ABLIM3: variants seen among roughly 807,000 people sequenced by gnomAD.
ABLIM3 encodes the protein actin-binding LIM protein 3.
ABLIM3 carries 61 observed loss-of-function variants against 109.5 expected under a neutral mutation model. The observed-to-expected ratio is 0.56, with a 90% CI of 0.45 to 0.69. The LOEUF (loss-of-function observed/expected upper bound fraction) is 0.69, where lower values mean the gene tolerates loss of function less well. Among genes scored for constraint, ABLIM3 ranks in the 30% least tolerant of loss-of-function variants. The pLI, the probability that ABLIM3 is intolerant of heterozygous loss-of-function variation, is 0.00. For synonymous variants in ABLIM3, 300 were observed against 324.8 expected, an observed-to-expected ratio of 0.92 and a Z score of 0.82; for missense variants, 796 against 889.5, an observed-to-expected ratio of 0.89 and a Z score of 1.34.
intron 6 of ABLIM3, 129 bp downstream of exon 6, chr5:149,207,263 A>C: frequency 7.4e-7 from 1 of 1,357,632 alleles, no homozygotes; most frequent in Non-Finnish European, 9.9e-7. Flanking sequence ...TTCTGGCCAA[A>C]CAGCATCTTT....
chr5:149,208,348 TTG>T (rs1205813171), intron 6 of ABLIM3, among the ~76,000 whole-genome samples: 5 of 123,496 alleles, frequency 4.0e-5, no homozygotes, highest in Admixed American at 1.8e-4. Flanking sequence ...ATCTATCTTT[TTG>T]TCTCTCTCTC....
chr5:149,252,185 C>G lies in ABLIM3; in HGVS notation c.1850-16C>G. ...TGGGCTCCATTCTGTGTGTGTGTCT[C>G]TTTTTCTCTCTGCAGAGTACAAGGT... On this transcript the variant is annotated splice_polypyrimidine_tract_variant and intron_variant, in intron 21 of 23. Transcript: ENST00000309868. 6.2e-7 allele frequency: 1 copy of G among 1,613,738 alleles called. No individual in the cohort carries two copies. Among genetic ancestry groups the G allele is most frequent in the Non-Finnish European group, 8.5e-7 (1 of 1,179,790 alleles).
chr5:149,168,153 A>G (rs554096828), intron 2 of ABLIM3, among the ~76,000 whole-genome samples: 6 of 152,320 alleles, frequency 3.9e-5, no homozygotes, highest in South Asian at 2.1e-4. Flanking sequence ...ATTGTCCCCA[A>G]TAGAGAACTG....
intron 2 of ABLIM3, among the ~76,000 whole-genome samples, chr5:149,160,877 G>A (rs1163646756): frequency 6.6e-6 from 1 of 152,174 alleles, no homozygotes; most frequent in Non-Finnish European, 1.5e-5. Flanking sequence ...CCATCTCCAG[G>A]GCCCTCCTCA....
chr5:149,236,418 G>A (rs1429619044), intron 10 of ABLIM3, among the ~76,000 whole-genome samples: 2 of 152,044 alleles, frequency 1.3e-5, no homozygotes, highest in East Asian at 3.9e-4. Context: ...CTATCTAGCA[G>A]CCTCTGTTGT....
intron 2 of ABLIM3, among the ~76,000 whole-genome samples, chr5:149,148,439 C>A (rs1159149523): frequency 6.6e-6 from 1 of 152,158 alleles, no homozygotes; most frequent in African/African-American, 2.4e-5. Context: ...GGGAAACTGG[C>A]CAATCATTGC....
chr5:149,250,364 T>C (rs1340103910), intron 19 of ABLIM3, 83 bp from the exon 20 acceptor site: 1 of 1,404,132 alleles, frequency 7.1e-7, no homozygotes, highest in Non-Finnish European at 1.0e-6. Context: ...GGAGCAGTGT[T>C]GGCCATTGGT....
At chr5:149,161,155 A>T (rs1239350353) in intron 2 of ABLIM3, among the ~76,000 whole-genome samples, 1 of 152,038 alleles carries the variant, frequency 6.6e-6, no homozygotes, top group East Asian at 1.9e-4. Flanking sequence ...GGCATCACCC[A>T]CAGCTCATCT....
At chr5:149,186,686 A>G (rs1756991994) in intron 3 of ABLIM3, among the ~76,000 whole-genome samples, 1 of 152,200 alleles carries the variant, frequency 6.6e-6, no homozygotes, top group Non-Finnish European at 1.5e-5. Context: ...CAGGAAAATG[A>G]GTAACTCACA....
At chr5:149,152,881 G>C (rs1410363265) in intron 2 of ABLIM3, among the ~76,000 whole-genome samples, 3 of 152,008 alleles carry the variant, frequency 2.0e-5, no homozygotes, top group African/African-American at 7.2e-5. Flanking sequence ...GAGTCCTCCT[G>C]CTTGAGAAAG....
At chr5:149,201,466 C>T (rs1427981110) in intron 5 of ABLIM3, among the ~76,000 whole-genome samples, 3 of 152,138 alleles carry the variant, frequency 2.0e-5, no homozygotes, top group African/African-American at 7.2e-5. Context: ...CAGATCACCC[C>T]GAGTCAGCAG....
chr5:149,242,977 A>C (rs1753008657), intron 15 of ABLIM3, among the ~76,000 whole-genome samples: 1 of 152,202 alleles, frequency 6.6e-6, no homozygotes, highest in East Asian at 1.9e-4. Context: ...AGTGATTCTG[A>C]TACTCAGCCC....
At chr5:149,191,287 AAT>A (rs1415286925) in intron 3 of ABLIM3, among the ~76,000 whole-genome samples, 3 of 152,194 alleles carry the variant, frequency 2.0e-5, no homozygotes, top group Non-Finnish European at 4.4e-5. Context: ...CATAAAAAGA[AAT>A]ATTATAAACA....
intron 2 of ABLIM3, 65 bp downstream of exon 2, chr5:149,142,173 C>G (rs917091826): frequency 1.3e-6 from 2 of 1,582,634 alleles, no homozygotes; most frequent in Non-Finnish European, 1.7e-6. Context: ...AGGGAGCCTG[C>G]GCTCGGGCTG....
At chr5:149,187,998 A>G (rs962410584) in intron 3 of ABLIM3, among the ~76,000 whole-genome samples, 1 of 152,236 alleles carries the variant, frequency 6.6e-6, no homozygotes, top group South Asian at 2.1e-4. Context: ...ACCGTTCTAT[A>G]GTAATAACTT....
rs1759709699 is a variant in ABLIM3 at position 149,213,004 on chromosome 5, T to C, written c.669+2185T>C. Among the ~76,000 whole-genome samples, 3 of 152,162 alleles carry C rather than the reference T, an allele frequency of 2.0e-5. No homozygotes were observed. The South Asian group carries it at 6.2e-4, about 32-fold the overall frequency. ...AGCCAGGCATGGTGGTGCACGCTTG[T>C]AGTCCTAGCCATTCCGGAGGATCAC... On this transcript the variant is annotated intron_variant, in intron 7 of 23. Transcript: ENST00000309868.
At chr5:149,219,580 C>G (rs1760438859) in intron 8 of ABLIM3, 1 of 152,204 alleles carries the variant, frequency 6.6e-6, no homozygotes. Context: ...CGTCTCCCCT[C>G]CAGGGTTCTT....
chr5:149,252,683 G>A (rs900049418), intron 22 of ABLIM3, 74 bp from the exon 23 acceptor site: 13 of 1,139,642 alleles, frequency 1.1e-5, no homozygotes, highest in Non-Finnish European at 1.6e-5. Flanking sequence ...AGAGAGCCCA[G>A]ACACAAAATG....
rs1422161694 is a variant in ABLIM3, at chr5:149,237,541, T to A, written c.982T>A (p.Ser328Thr). 1 of 1,614,166 alleles carries A rather than the reference T, an allele frequency of 6.2e-7. No individual in the cohort carries two copies. The highest frequency in any genetic ancestry group is 2.2e-5 in the East Asian group (1 of 44,880). ...IYEVQRPDLI[S>T]YEPHSRYMSD... is the part of the protein sequence containing the mutation. ...CGAGGTACAACGCCCCGACCTCATT[T>A]CCTATGAGCCTCATTCCAGATACAT... is the stretch of plus-strand genomic sequence containing the variant. The change falls in exon 11 of 24, where the codon TCC (serine) becomes ACC (threonine). Residue 328 changes from serine (S) to threonine (T), a missense_variant. By Grantham distance (58) the Ser-to-Thr change is moderately conservative (BLOSUM62 1). Transcript: ENST00000309868.
Sources: allele counts gnomAD v4.1 joint callset (sites outside exome capture counted in the v4.1 genomes callset), GRCh38; gene constraint gnomAD v4.1.1; transcripts MANE v1.5; gene names NCBI Gene and HGNC (gene_info 2026-07-23, HGNC 2026-07-21).